BUD13: variants seen among roughly 807,000 people sequenced by gnomAD.
The protein encoded by BUD13 is BUD13 spliceosome associated protein, also known as BUD13 homolog.
Under a neutral mutation model 62.5 loss-of-function variants are expected in BUD13, and 47 were observed. The ratio of observed to expected loss-of-function variants is 0.75; its 90% CI spans 0.60 to 0.96. The LOEUF (loss-of-function observed/expected upper bound fraction) is 0.96, where lower values mean the gene tolerates loss of function less well. Ranked by LOEUF, BUD13 falls within the 40% of genes least tolerant of loss-of-function variation. BUD13 has a pLI of 0.00. For synonymous variants in BUD13, 293 were observed against 280.1 expected (o/e 1.05, Z -0.46); for missense variants, 821 against 790.9 (o/e 1.04, Z -0.46).
chr11:116,763,619 C>A (rs528138815), intron 3 of BUD13, among the ~76,000 whole-genome samples: 1 of 152,076 alleles, frequency 6.6e-6, no homozygotes, highest in South Asian at 2.1e-4. Context: ...AAGGTCACAG[C>A]TCCTAAAATG....
Position 116,772,914 on chromosome 11 carries a change from C to G in BUD13, c.51G>C (p.Leu17Phe), listed in dbSNP as rs886454068. The change falls in exon 1 of 10, where the codon TTG becomes TTC. Residue 17 changes from leucine (L) to phenylalanine (F), a missense_variant. Around this residue, in one of 2 missense-constraint regions of BUD13, gnomAD observed 800 missense variants for 739.2 expected, o/e 1.08. Transcript: ENST00000260210. ...LSKAEYLKRY[L>F]SGADAGVDRG... is the part of the protein sequence containing the mutation. ...GGTCGACGCCGGCATCTGCCCCGGA[C>G]AAGTAACGCTTCAGATACTCGGCCT... 1 of 1,589,974 alleles carries G rather than the reference C, an allele frequency of 6.3e-7. No homozygotes were observed. Among genetic ancestry groups the G allele is most frequent in the South Asian group, 1.1e-5 (1 of 88,414 alleles).
At chr11:116,765,041 A>T (rs1291532416) in intron 3 of BUD13, among the ~76,000 whole-genome samples, 1 of 152,200 alleles carries the variant, frequency 6.6e-6, no homozygotes, top group Non-Finnish European at 1.5e-5. Context: ...TGTTTCTTGT[A>T]AACTCCTCCC....
Position 116,772,688 on chromosome 11 carries a change from C to A in BUD13, c.143+134G>T. ...GGGCCTCAAGCGATGTGAGTGGGGC[C>A]CTGAGCATGAGCAGGGGTCGGCGGA... On this transcript the variant is annotated intron_variant, in intron 1 of 9. Coordinates refer to ENST00000260210, the MANE Select transcript of BUD13 (RefSeq NM_032725.4). 2.4e-6 allele frequency: 3 copies of A among 1,258,654 alleles called. No homozygotes were observed. The African/African-American group carries it at 4.7e-5, about 20-fold the overall frequency. The allele number at this position is 1,258,654 out of a possible 1,614,324, so 78.0% of individuals were successfully genotyped here.
In BUD13 at chr11:116,762,804, T is replaced by C. The variant is rs757143392; in HGVS notation, c.785A>G (p.Gln262Arg). 2 of 1,606,866 alleles carry C rather than the reference T, an allele frequency of 1.2e-6. No individual in the cohort carries two copies. Among genetic ancestry groups the C allele is most frequent in the East Asian group, 2.3e-5 (1 of 44,400 alleles). The change falls in exon 4 of 10, where the codon CAG becomes CGG. Residue 262 changes from glutamine (Q) to arginine (R), a missense_variant. By Grantham distance (43) the Gln-to-Arg change is conservative. Coordinates refer to ENST00000260210, the MANE Select transcript of BUD13 (RefSeq NM_032725.4). ...SRRTLGSSDT[Q>R]QLRRARHDSP... Reference sequence around the variant, plus strand: ...GTCATGACGGGCCCTTCTGAGTTGCTGTGTGTCTGAAGAGCCAAGAGTCCT... The same window carrying C: ...GTCATGACGGGCCCTTCTGAGTTGCCGTGTGTCTGAAGAGCCAAGAGTCCT...
intron 1 of BUD13, 22 bp downstream of exon 1, chr11:116,772,800 G>A (rs1355454508): frequency 2.0e-6 from 3 of 1,532,170 alleles, no homozygotes; most frequent in African/African-American, 1.4e-5. Context: ...CGCAGGCCCC[G>A]CCCCGGCCGG....
In BUD13 at chr11:116,748,980, C is replaced by CAAA. The variant is rs58988682; in HGVS notation, c.1767-408_1767-406dup. Among the ~76,000 whole-genome samples, 346 of 86,542 alleles carry CAAA rather than the reference C, an allele frequency of 4.0e-3. 1 individual carries two copies. The highest frequency in any genetic ancestry group is 6.3e-3 in the Middle Eastern group (1 of 160). 56.8% of individuals were successfully genotyped at this position (86,542 alleles called of 152,430 possible). On this transcript the variant is annotated intron_variant, in intron 9 of 9. Transcript: ENST00000260210. ...AGCCTGGGTGACAGAGACTCTGTCT[C>CAAA]AAAAAAAAAAAAAAAAAAAAAGAAA...
rs530551807 is a variant in BUD13 at position 116,752,004 on chromosome 11, C to A, written c.1767-3429G>T. Among the ~76,000 whole-genome samples the A allele has an allele frequency of 2.0e-5, 3 of 152,242 alleles. 1 individual carries two copies. In the South Asian group the frequency reaches 6.2e-4, roughly 32 times the overall value. On this transcript the variant is annotated intron_variant, in intron 9 of 9. Transcript: ENST00000260210. ...TGTTGCCCAGGCTGGAGTGCAGTGGCACGATCTCGGCTCACTGCAAGCTCC... is the reference window on the plus strand; with the variant it reads ...TGTTGCCCAGGCTGGAGTGCAGTGGAACGATCTCGGCTCACTGCAAGCTCC...
rs1200655492 is a variant in BUD13, at chr11:116,763,043, A to G, written c.546T>C (p.His182=). ...SDTSPPRRIR[H]DSSDTSPPRR... ...TTGGGGGTGAAGTGTCTGAGGAGTC[A>G]TGACGGATCCTCCTGGGAGGAGATG... The change falls in exon 4 of 10, where the codon CAT becomes CAC. Residue 182 remains histidine, a synonymous_variant. Coordinates refer to ENST00000260210, the MANE Select transcript of BUD13 (RefSeq NM_032725.4). The G allele has an allele frequency of 6.2e-7, 1 of 1,613,182 alleles. No homozygotes were observed. The highest frequency in any genetic ancestry group is 8.5e-7 in the Non-Finnish European group (1 of 1,179,684).
Position 116,762,656 on chromosome 11 carries a change from T to C in BUD13, c.933A>G (p.Ser311=). ...HWKESGASHL[S]FPKNSKYEYD... is the part of the protein sequence containing the mutation. ...ACTCATATTTGCTGTTCTTTGGGAA[T>C]GACAAATGGGAGGCTCCTGACTCCT... is the stretch of plus-strand genomic sequence containing the variant. Residue 311 remains serine, a synonymous_variant, in exon 4 of 10, where the codon TCA becomes TCG. Transcript: ENST00000260210. The C allele has an allele frequency of 3.1e-6, 5 of 1,614,202 alleles. No homozygotes were observed. The highest frequency in any genetic ancestry group is 1.1e-5 in the South Asian group (1 of 91,084).
intron 4 of BUD13, among the ~76,000 whole-genome samples, chr11:116,761,287 G>GGTGATC (rs1480946400): frequency 3.6e-5 from 5 of 140,206 alleles, no homozygotes; most frequent in Admixed American, 3.4e-4. Flanking sequence ...CCTGACCTGA[G>GGTGATC]GTGATCTGCC....
In BUD13 at chr11:116,770,189, T is replaced by C; in HGVS notation, c.177A>G (p.Thr59=). ...TTTCTAGTTTGGTTGTGGAGATAGC[T>C]GTCCAGCTCACATCATCATCCACAA... The part of the protein sequence containing the change: ...MRIVDDDVSW[T]AISTTKLEKE... Residue 59 remains threonine (T), a synonymous_variant, in exon 2 of 10, where the codon ACA becomes ACG. Transcript: ENST00000260210. The C allele has an allele frequency of 6.2e-7, 1 of 1,613,712 alleles. No individual in the cohort carries two copies. Among genetic ancestry groups the C allele is most frequent in the South Asian group, 1.1e-5 (1 of 90,982 alleles).
intron 4 of BUD13, among the ~76,000 whole-genome samples, chr11:116,761,304 G>A (rs1322549886): frequency 3.3e-5 from 5 of 152,052 alleles, no homozygotes; most frequent in Admixed American, 1.3e-4. Flanking sequence ...TGCCCACCTC[G>A]GCCTCCAAAG....
rs891862436 is a variant in BUD13, at chr11:116,760,895, G to C, written c.1094C>G (p.Pro365Arg). ...ATCTGAATCAGAATCCTGGTGCCCT[G>C]GACTTTGTTTATGCCGTGGAGAAGA... Reference protein sequence around the residue: ...DLSSPRHKQSPGHQDSDSDLS... With the variant: ...DLSSPRHKQSRGHQDSDSDLS... Residue 365 changes from proline (P) to arginine (R), a missense_variant, in exon 5 of 10, where the codon CCA becomes CGA. Transcript: ENST00000260210. 1.2e-6 allele frequency: 2 copies of C among 1,614,054 alleles called. No homozygotes were observed. The highest frequency in any genetic ancestry group is 1.7e-6 in the Non-Finnish European group (2 of 1,179,988).
At chr11:116,766,396 G>A (rs1940530086) in intron 2 of BUD13, among the ~76,000 whole-genome samples, 1 of 152,184 alleles carries the variant, frequency 6.6e-6, no homozygotes, top group Admixed American at 6.5e-5. Flanking sequence ...GGCAGAACTG[G>A]AATTTAAATC....
intron 4 of BUD13, among the ~76,000 whole-genome samples, chr11:116,761,661 C>G (rs2134178665): frequency 6.6e-6 from 1 of 152,174 alleles, no homozygotes; most frequent in East Asian, 1.9e-4. Flanking sequence ...GTCAGAAATA[C>G]CTGGAATATA....
intron 1 of BUD13, among the ~76,000 whole-genome samples, chr11:116,770,497 C>CTT (rs750220858): frequency 3.5e-5 from 5 of 142,296 alleles, no homozygotes; most frequent in Admixed American, 7.0e-5. Context: ...CAATCTTTTT[C>CTT]TTTTTTTTTT....
chr11:116,767,550 G>A (rs1940552496), intron 2 of BUD13, among the ~76,000 whole-genome samples: 1 of 127,096 alleles, frequency 7.9e-6, no homozygotes, highest in African/African-American at 3.1e-5. Context: ...CCGAGATCAC[G>A]CCACTGCACT....
chr11:116,759,811 G>A (rs910794718), intron 5 of BUD13, among the ~76,000 whole-genome samples: 1 of 152,136 alleles, frequency 6.6e-6, no homozygotes, highest in South Asian at 2.1e-4. Flanking sequence ...TAAAAAAGAA[G>A]AATCTCACTT....
chr11:116,770,427 G>C (rs1031200813), intron 1 of BUD13, among the ~76,000 whole-genome samples: 2 of 152,006 alleles, frequency 1.3e-5, no homozygotes, highest in African/African-American at 4.8e-5. Flanking sequence ...AAGGAGCCAA[G>C]TTCCTATCAC....
Sources: allele counts gnomAD v4.1 joint callset (sites outside exome capture counted in the v4.1 genomes callset), GRCh38; gene constraint gnomAD v4.1.1; regional missense constraint gnomAD v4.1.1; transcripts MANE v1.5; gene names NCBI Gene and HGNC (gene_info 2026-07-23, HGNC 2026-07-21).